The following HUWE1 variants were observed in gnomAD, a reference collection of about 807,000 sequenced individuals.
HUWE1 encodes HECT, UBA and WWE domain containing E3 ubiquitin protein ligase 1, also known as E3 ubiquitin-protein ligase HUWE1.
In HUWE1, 18 loss-of-function variants were observed where a neutral mutation model predicts 299.4. That is an observed-to-expected ratio of 0.06 (90% CI 0.04 to 0.09). HUWE1 has a LOEUF of 0.09. Among genes scored for constraint, HUWE1 ranks in the 10% least tolerant of loss-of-function variants. HUWE1 has a pLI of 1.00. For synonymous variants in HUWE1, 1,317 were observed against 1,286.1 expected (o/e 1.02, Z -0.51); for missense variants, 1,832 against 3,462.3 (o/e 0.53, Z 11.82).
chrX:53,539,697 T>C lies in HUWE1; in HGVS notation c.11592A>G (p.Leu3864=), dbSNP rs782282928. 4.1e-6 allele frequency: 5 copies of C among 1,211,562 alleles called. No individual in the cohort carries two copies. The highest frequency in any genetic ancestry group is 5.6e-6 in the Non-Finnish European group (5 of 895,312). The change falls in exon 75 of 84, where the codon CTA becomes CTG. Residue 3864 remains leucine, a synonymous_variant. Coordinates refer to ENST00000262854, the MANE Select transcript of HUWE1 (RefSeq NM_031407.7). ...DELWDMLGEC[L]KELEESHDQH... ...GGTCATGGGATTCCTCTAGTTCCTTTAGACACTCCCCAAGCATGTCCCACA... is the reference window on the plus strand; with the variant it reads ...GGTCATGGGATTCCTCTAGTTCCTTCAGACACTCCCCAAGCATGTCCCACA...
intron 63 of HUWE1, 62 bp from the exon 64 acceptor site, chrX:53,551,542 T>C: frequency 9.7e-7 from 1 of 1,029,368 alleles, no homozygotes; most frequent in Non-Finnish European, 1.3e-6. Context: ...GACGGGGTCT[T>C]GGTCTGTTGC....
chrX:53,660,852 G>A (rs1464462704), intron 3 of HUWE1, among the ~76,000 whole-genome samples: 3 of 104,850 alleles, frequency 2.9e-5, no homozygotes, highest in South Asian at 9.0e-4. Flanking sequence ...ATGCTACCTA[G>A]GGAATTCATA....
In HUWE1 at chrX:53,586,811, G is replaced by C; in HGVS notation, c.4713C>G (p.Ala1571=). The part of the protein sequence containing the change: ...LEVVQPCLQA[A]KEQKEVQTPK... ...GGGTCTGGACTTCCTTCTGCTCCTT[G>C]GCTGCCTGGAGGCAGGGCTGAACCA... Residue 1571 remains alanine (A), a synonymous_variant, in exon 38 of 84, where the codon GCC becomes GCG. Coordinates refer to ENST00000262854, the MANE Select transcript of HUWE1 (RefSeq NM_031407.7). The C allele has an allele frequency of 8.3e-7, 1 of 1,210,961 alleles. No homozygotes were observed. Among genetic ancestry groups the C allele is most frequent in the Admixed American group, 2.2e-5 (1 of 45,967 alleles).
At chrX:53,560,487 T>C (rs2062234110) in intron 55 of HUWE1, 71 bp from the exon 56 acceptor site, 23 of 950,324 alleles carry the variant, frequency 2.4e-5, no homozygotes, top group South Asian at 2.0e-4. Flanking sequence ...AGCAGAATCA[T>C]GTCTCCTGGG....
intron 39 of HUWE1, among the ~76,000 whole-genome samples, 197 bp from the exon 40 acceptor site, chrX:53,585,385 A>C (rs782012244): frequency 8.0e-5 from 9 of 112,572 alleles, no homozygotes; most frequent in Non-Finnish European, 1.5e-4. Flanking sequence ...ACGCTTAAAA[A>C]CATGTCTTCT....
chrX:53,675,468 T>C (rs1367857196), intron 3 of HUWE1, among the ~76,000 whole-genome samples: 1 of 111,328 alleles, frequency 9.0e-6, no homozygotes, highest in African/African-American at 3.3e-5. Context: ...GCATAGACAG[T>C]GCAGGGGAAG....
rs1211491822 is a variant in HUWE1, at chrX:53,588,547, A to G, written c.4462-13T>C. ...CAGCTTCCCACACCTAGAAAAGCAAAAAAAGGGTTAAGTCACGGAACCGCA... is the reference window on the plus strand; with the variant it reads ...CAGCTTCCCACACCTAGAAAAGCAAGAAAAGGGTTAAGTCACGGAACCGCA... On this transcript the variant is annotated splice_polypyrimidine_tract_variant and intron_variant, in intron 36 of 83. Transcript: ENST00000262854. 1 of 1,196,383 alleles carries G rather than the reference A, an allele frequency of 8.4e-7. No homozygotes were observed. Among genetic ancestry groups the G allele is most frequent in the East Asian group, 3.0e-5 (1 of 33,534 alleles).
chrX:53,609,779 G>C (rs5978137), intron 23 of HUWE1, among the ~76,000 whole-genome samples: 21,086 of 111,651 alleles, frequency 0.19, 4,666 homozygotes, highest in African/African-American at 0.64. Context: ...GAGCGGGATG[G>C]GGCAGAGACA....
At chrX:53,558,348 A>ATATC (rs782186819) in intron 59 of HUWE1, among the ~76,000 whole-genome samples, 2 of 111,645 alleles carry the variant, frequency 1.8e-5, no homozygotes, top group East Asian at 5.6e-4. Context: ...ATGGACTTAG[A>ATATC]TAAGGTTTTT....
At position 53,555,934 on chromosome X, in the gene HUWE1, C is replaced by T. The variant is rs782455089; in HGVS notation, c.8207-1014G>A. ...CTGGGATTACAGGCATGAACCACTG[C>T]GCCTGGCCCAAAATTCTTAAAGTAT... On this transcript the variant is annotated intron_variant, in intron 60 of 83. Transcript: ENST00000262854. Among the ~76,000 whole-genome samples, 16 of 112,118 alleles carry T rather than the reference C, an allele frequency of 1.4e-4. No individual in the cohort carries two copies. In the East Asian group the frequency reaches 2.2e-3, roughly 16 times the overall value.
At chrX:53,632,095 C>T (rs6638409) in intron 9 of HUWE1, 160,474 of 335,087 alleles carry the variant, frequency 0.48, 27,250 homozygotes, top group Middle Eastern at 0.58. Context: ...TCAAACAATA[C>T]AAAATGACCA....
chrX:53,566,131 G>GTATATA (rs782460583), intron 49 of HUWE1, among the ~76,000 whole-genome samples: 11 of 55,465 alleles, frequency 2.0e-4, no homozygotes, highest in South Asian at 8.0e-4. Flanking sequence ...GTGTGTGTGT[G>GTATATA]TGTATATATA....
chrX:53,544,104 A>G (rs1440492312), intron 72 of HUWE1, 136 bp from the exon 73 acceptor site: 6 of 547,839 alleles, frequency 1.1e-5, no homozygotes, highest in Non-Finnish European at 1.8e-5. Flanking sequence ...GAAGCTTCAG[A>G]GTGCTCATCA....
chrX:53,584,061 C>CTT, intron 41 of HUWE1, 125 bp downstream of exon 41: 1 of 819,629 alleles, frequency 1.2e-6, no homozygotes, highest in Non-Finnish European at 1.8e-6. Flanking sequence ...GATGAAAAAG[C>CTT]ATAAGGGAGG....
chrX:53,549,509 G>A lies in HUWE1; in HGVS notation c.9489-4C>T. ...ATCTACATTACTGCCAGAAGGCCTG[G>A]AAACAGAACATGGTTTTTGGGTAAC... On this transcript the variant is annotated splice_polypyrimidine_tract_variant and splice_region_variant and intron_variant, in intron 66 of 83. Coordinates refer to ENST00000262854, the MANE Select transcript of HUWE1 (RefSeq NM_031407.7). 1 of 1,200,046 alleles carries A rather than the reference G, an allele frequency of 8.3e-7. No individual in the cohort carries two copies. Among genetic ancestry groups the A allele is most frequent in the South Asian group, 1.8e-5 (1 of 56,669 alleles).
rs56117583 is a variant in HUWE1, at chrX:53,594,950, G to A, written c.3380+237C>T. ...CTGGCCCCAAGCATTTTGGATAAGG[G>A]ATACTACCTATATAAGACCACTGAA... On this transcript the variant is annotated intron_variant, in intron 30 of 83. Transcript: ENST00000262854. 6.9e-3 allele frequency among the ~76,000 whole-genome samples: 771 copies of A among 111,382 alleles called. 2 individuals are homozygous for A. The highest frequency in any genetic ancestry group is 0.011 in the Non-Finnish European group (572 of 53,081).
rs200131317 is a variant in HUWE1, at chrX:53,551,513, C to G, written c.8882-33G>C. The G allele has an allele frequency of 6.2e-6, 7 of 1,124,835 alleles. No individual in the cohort carries two copies. In the Admixed American group the frequency reaches 1.8e-4, roughly 28 times the overall value. 92.7% of individuals were successfully genotyped at this position (1,124,835 alleles called of 1,213,427 possible). ...GAGATATAACATGTAAAGGGATTCACGCCTTATTAATTGCTTGAGACGGGG... is the reference window on the plus strand; with the variant it reads ...GAGATATAACATGTAAAGGGATTCAGGCCTTATTAATTGCTTGAGACGGGG... On this transcript the variant is annotated intron_variant, in intron 63 of 83. Transcript: ENST00000262854.
chrX:53,540,749 A>G (rs2061309134), intron 74 of HUWE1, among the ~76,000 whole-genome samples: 1 of 111,693 alleles, frequency 9.0e-6, no homozygotes, highest in South Asian at 3.9e-4. Context: ...GGCTTATTCT[A>G]ACCTCTGCTC....
At chrX:53,611,200 A>AG in intron 23 of HUWE1, among the ~76,000 whole-genome samples, 1 of 109,294 alleles carries the variant, frequency 9.1e-6, no homozygotes, top group Middle Eastern at 4.7e-3. Flanking sequence ...AAAAAAAAAA[A>AG]AAAAAAAAAG....
Sources: allele counts gnomAD v4.1 joint callset (sites outside exome capture counted in the v4.1 genomes callset), GRCh38; gene constraint gnomAD v4.1.1; transcripts MANE v1.5; gene names NCBI Gene and HGNC (gene_info 2026-07-23, HGNC 2026-07-21).